ABHD6: variants seen among roughly 807,000 people sequenced by gnomAD.
The protein encoded by ABHD6 is monoacylglycerol lipase ABHD6.
In ABHD6, 33 loss-of-function variants were observed where a neutral mutation model predicts 38.8. The observed-to-expected ratio is 0.85, with a 90% confidence interval of 0.64 to 1.14. The LOEUF (loss-of-function observed/expected upper bound fraction) is 1.14. Among genes scored for constraint, ABHD6 ranks in the 50% most tolerant of loss-of-function variants. The pLI, the probability that ABHD6 is intolerant of heterozygous loss-of-function variation, is 0.00. For missense variants in ABHD6, 380 were observed against 422.6 expected (o/e 0.90, Z 0.88); for synonymous variants, 147 against 161.6 (o/e 0.91, Z 0.69).
At position 58,285,370 on chromosome 3, in the gene ABHD6, A is replaced by C; in HGVS notation, c.754A>C (p.Ser252Arg). The change falls in exon 9 of 10, where the codon AGT becomes CGT. Residue 252 changes from serine to arginine, a missense_variant. Ser to Arg is a moderately radical substitution (Grantham distance 110). Coordinates refer to ENST00000478253, the MANE Select transcript of ABHD6 (RefSeq NM_001320126.2). The surrounding 1 kb of genome is among the most constrained non-coding windows in gnomAD (Gnocchi z 4.9). ...CTGACAAGTGTTTTTGGAAATCGTC[A>C]GTGAGAAGTCCAGATACTCTCTCCA... is the stretch of plus-strand genomic sequence containing the variant. Reference protein sequence around the residue: ...FYRKLFLEIVSEKSRYSLHQN... With the variant: ...FYRKLFLEIVREKSRYSLHQN... The C allele has an allele frequency of 6.2e-7, 1 of 1,614,180 alleles. No homozygotes were observed. The highest frequency in any genetic ancestry group is 1.1e-5 in the South Asian group (1 of 91,078).
At chr3:58,252,165 C>A (rs977484693) in intron 2 of ABHD6, among the ~76,000 whole-genome samples, 1 of 151,186 alleles carries the variant, frequency 6.6e-6, no homozygotes, top group Admixed American at 6.6e-5. Flanking sequence ...TCAAGGATGA[C>A]CATCACGATT....
At position 58,265,067 on chromosome 3, in the gene ABHD6, T is replaced by C. The variant is rs2097440004; in HGVS notation, c.120-2122T>C. ...ACCCCCAGCTACTCATCTCAGCCTC[T>C]GGTAACCATCCTTCTACTATCTATG... is the stretch of plus-strand genomic sequence containing the variant. On this transcript the variant is annotated intron_variant, in intron 3 of 9. Coordinates refer to ENST00000478253, the MANE Select transcript of ABHD6 (RefSeq NM_001320126.2). The surrounding 1 kb of genome is among the most constrained non-coding windows in gnomAD (Gnocchi z 4.2). Among the ~76,000 whole-genome samples, 1 of 152,212 alleles carries C rather than the reference T, an allele frequency of 6.6e-6. No homozygotes were observed. The highest frequency in any genetic ancestry group is 2.1e-4 in the South Asian group (1 of 4,826).
intron 3 of ABHD6, among the ~76,000 whole-genome samples, chr3:58,264,366 T>A (rs1176423998): frequency 6.6e-6 from 1 of 150,564 alleles, no homozygotes; most frequent in African/African-American, 2.4e-5. Context: ...AAGCCTGAAC[T>A]TTATAACTGG....
chr3:58,280,084 G>C (rs1368478769), intron 7 of ABHD6, among the ~76,000 whole-genome samples: 1 of 152,048 alleles, frequency 6.6e-6, no homozygotes, highest in Non-Finnish European at 1.5e-5. Context: ...TGCTATTCTC[G>C]AGTAGTATCT....
chr3:58,276,173 T>A (rs926512818), intron 7 of ABHD6, among the ~76,000 whole-genome samples: 1 of 152,212 alleles, frequency 6.6e-6, no homozygotes, highest in African/African-American at 2.4e-5. Flanking sequence ...TAGTTCTAGA[T>A]CCTTGAGGAA....
chr3:58,287,882 G>T lies in ABHD6; in HGVS notation c.837+2429G>T, dbSNP rs1216017400. On this transcript the variant is annotated intron_variant, in intron 9 of 9. Coordinates refer to ENST00000478253, the MANE Select transcript of ABHD6 (RefSeq NM_001320126.2). The surrounding 1 kb of genome is among the most constrained non-coding windows in gnomAD (Gnocchi z 4.7). ...GGGTTTCTGAAACTTCTAGTACCAG[G>T]GTTATTTTGAGGCTCAAATGAAATA... 6.6e-6 allele frequency among the ~76,000 whole-genome samples: 1 copy of T among 152,166 alleles called. No homozygotes were observed. The highest frequency in any genetic ancestry group is 2.4e-5 in the African/African-American group (1 of 41,426).
rs970521267 is a variant in ABHD6, at chr3:58,257,667, T to C, written c.119+962T>C. Among the ~76,000 whole-genome samples, 3 of 152,162 alleles carry C rather than the reference T, an allele frequency of 2.0e-5. No homozygotes were observed. The highest frequency in any genetic ancestry group is 7.2e-5 in the African/African-American group (3 of 41,436). On this transcript the variant is annotated intron_variant, in intron 3 of 9. Transcript: ENST00000478253. The surrounding 1 kb of genome is among the most constrained non-coding windows in gnomAD (Gnocchi z 4.8). ...TGTGAGCCACTGCGCCTGGCCTTCA[T>C]CATTGGATTCTGACCCTGTGATGTC...
chr3:58,280,396 G>C (rs969994047), intron 7 of ABHD6, among the ~76,000 whole-genome samples: 1 of 151,856 alleles, frequency 6.6e-6, no homozygotes, highest in Non-Finnish European at 1.5e-5. Flanking sequence ...ATTGAAGCTT[G>C]TGCATGCATC....
At chr3:58,264,910 G>A (rs1334110146) in intron 3 of ABHD6, among the ~76,000 whole-genome samples, 1 of 152,080 alleles carries the variant, frequency 6.6e-6, no homozygotes, top group African/African-American at 2.4e-5. Context: ...AAACAATCCA[G>A]TTACACTCTT....
chr3:58,264,002 G>GTT (rs2097438989), intron 3 of ABHD6, among the ~76,000 whole-genome samples: 1 of 151,854 alleles, frequency 6.6e-6, no homozygotes, highest in Non-Finnish European at 1.5e-5. Context: ...GGAATCAATA[G>GTT]TATTTAAAAA....
Position 58,256,110 on chromosome 3 carries a change from T to C in ABHD6, c.-25-452T>C, listed in dbSNP as rs12491799. Among the ~76,000 whole-genome samples the C allele has an allele frequency of 0.062, 8,401 of 135,548 alleles. 459 individuals are homozygous for C. The highest frequency in any genetic ancestry group is 0.28 in the East Asian group (869 of 3,110). 88.9% of individuals were successfully genotyped at this position (135,548 alleles called of 152,430 possible). A position where few individuals can be genotyped will look rare whatever the true frequency, so the allele number is the denominator to read the frequency against. On this transcript the variant is annotated intron_variant, in intron 2 of 9. Coordinates refer to ENST00000478253, the MANE Select transcript of ABHD6 (RefSeq NM_001320126.2). This position sits in a 1 kb window ranked among gnomAD's most constrained non-coding sequence, Gnocchi z 4.3. ...ACACACACACACACACACACACACA[T>C]ACACACACTACTTTTTCTCTCCTGA... is the stretch of plus-strand genomic sequence containing the variant.
rs1432679426 is a variant in ABHD6, at chr3:58,257,160, G to GC, written c.119+457dup. Among the ~76,000 whole-genome samples the GC allele has an allele frequency of 6.6e-6, 1 of 151,972 alleles. No homozygotes were observed. The highest frequency in any genetic ancestry group is 1.5e-5 in the Non-Finnish European group (1 of 67,996). On this transcript the variant is annotated intron_variant, in intron 3 of 9. Transcript: ENST00000478253. The surrounding 1 kb of genome is among the most constrained non-coding windows in gnomAD (Gnocchi z 4.8). ...TGGCCTCAAGTGATCTTCCCATCTTGCCTCTCTAAGTGCTGGGATTACAGG... is the reference window on the plus strand; with the variant it reads ...TGGCCTCAAGTGATCTTCCCATCTTGCCCTCTCTAAGTGCTGGGATTACAGG...
intron 7 of ABHD6, among the ~76,000 whole-genome samples, chr3:58,283,398 T>C (rs939695123): frequency 6.6e-5 from 10 of 152,214 alleles, no homozygotes; most frequent in Non-Finnish European, 1.5e-4. Context: ...CAGCCCACCA[T>C]GTCATATTGT....
rs150735231 is a variant in ABHD6 at position 58,264,555 on chromosome 3, G to C, written c.120-2634G>C. Reference sequence around the variant, plus strand: ...AAAAATAAAAAAATTAGCCAGGCATGGTATATGCACCTGTAATTTCAGCTA... The same window carrying C: ...AAAAATAAAAAAATTAGCCAGGCATCGTATATGCACCTGTAATTTCAGCTA... On this transcript the variant is annotated intron_variant, in intron 3 of 9. Coordinates refer to ENST00000478253, the MANE Select transcript of ABHD6 (RefSeq NM_001320126.2). Among the ~76,000 whole-genome samples the C allele has an allele frequency of 8.2e-3, 1,250 of 151,946 alleles. 12 individuals carry two copies. Among genetic ancestry groups the C allele is most frequent in the Admixed American group, 0.012 (181 of 15,218 alleles).
At position 58,256,828 on chromosome 3, in the gene ABHD6, T is replaced by A; in HGVS notation, c.119+123T>A. On this transcript the variant is annotated intron_variant, in intron 3 of 9. Coordinates refer to ENST00000478253, the MANE Select transcript of ABHD6 (RefSeq NM_001320126.2). The surrounding 1 kb of genome is among the most constrained non-coding windows in gnomAD (Gnocchi z 4.3). ...AAGTATTTCAGACAGAGAGAAAAGTTGAAAGGTACTCATCCTGTTTGGAAT... is the reference window on the plus strand; with the variant it reads ...AAGTATTTCAGACAGAGAGAAAAGTAGAAAGGTACTCATCCTGTTTGGAAT... 1 of 799,026 alleles carries A rather than the reference T, an allele frequency of 1.3e-6. No homozygotes were observed. The highest frequency in any genetic ancestry group is 2.1e-6 in the Non-Finnish European group (1 of 487,290). 49.5% of individuals were successfully genotyped at this position (799,026 alleles called of 1,614,324 possible). A position where few individuals can be genotyped will look rare whatever the true frequency, so the allele number is the denominator to read the frequency against.
chr3:58,262,997 C>T (rs1177618249), intron 3 of ABHD6, among the ~76,000 whole-genome samples: 1 of 152,166 alleles, frequency 6.6e-6, no homozygotes, highest in Admixed American at 6.5e-5. Context: ...ATCACGAGGT[C>T]AGGAGTTTGA....
Position 58,257,192 on chromosome 3 carries a change from C to T in ABHD6, c.119+487C>T, listed in dbSNP as rs543576760. 6.6e-6 allele frequency among the ~76,000 whole-genome samples: 1 copy of T among 152,254 alleles called. No homozygotes were observed. Among genetic ancestry groups the T allele is most frequent in the South Asian group, 2.1e-4 (1 of 4,814 alleles). On this transcript the variant is annotated intron_variant, in intron 3 of 9. Transcript: ENST00000478253. The surrounding 1 kb of genome is among the most constrained non-coding windows in gnomAD (Gnocchi z 4.8). The stretch of plus-strand genomic sequence containing the variant: ...TAAGTGCTGGGATTACAGGCATGAG[C>T]CATCATACCCGGCCCTTTTAGGTTT...
Position 58,267,262 on chromosome 3 carries a change from C to T in ABHD6, c.193C>T (p.Arg65Trp), listed in dbSNP as rs374235590. 5.3e-5 allele frequency: 85 copies of T among 1,614,014 alleles called. No homozygotes were observed. Among genetic ancestry groups the T allele is most frequent in the Non-Finnish European group, 6.6e-5 (78 of 1,180,024 alleles). ...HEDYQFCYSF[R>W]GRPGHKPSIL... ...AGACTATCAGTTCTGTTATTCCTTC[C>T]GGGGCAGGCCTGGGCACAAACCCTC... The change falls in exon 4 of 10, where the codon CGG becomes TGG. Residue 65 changes from arginine (R) to tryptophan (W), a missense_variant. Physicochemically the swap from Arg to Trp is moderately radical, Grantham distance 101 (BLOSUM62 -3). Transcript: ENST00000478253. This position sits in a 1 kb window ranked among gnomAD's most constrained non-coding sequence, Gnocchi z 4.3.
Position 58,256,515 on chromosome 3 carries a change from C to T in ABHD6, c.-25-47C>T. 4.3e-6 allele frequency: 5 copies of T among 1,154,926 alleles called. No homozygotes were observed. The highest frequency in any genetic ancestry group is 4.4e-5 in the Admixed American group (2 of 45,184). The allele number at this position is 1,154,926 out of a possible 1,614,324, so 71.5% of individuals were successfully genotyped here. ...TCCCCTTTACTTCTTCGCCTTTTTT[C>T]CTTTGATACAGAGTTTTAATATCGT... is the stretch of plus-strand genomic sequence containing the variant. On this transcript the variant is annotated intron_variant, in intron 2 of 9. Coordinates refer to ENST00000478253, the MANE Select transcript of ABHD6 (RefSeq NM_001320126.2). The surrounding 1 kb of genome is among the most constrained non-coding windows in gnomAD (Gnocchi z 4.3).
Sources: gnomAD v4.1 joint callset for allele counts (sites outside exome capture counted in the v4.1 genomes callset) on GRCh38, gnomAD v4.1.1 for gene constraint, Gnocchi (gnomAD v3.1) non-coding constraint, MANE v1.5 for transcripts, NCBI Gene and HGNC (gene_info 2026-07-23, HGNC 2026-07-21) for gene names.